B3GALT1: variants seen among roughly 807,000 people sequenced by gnomAD.
B3GALT1 encodes beta-1,3-galactosyltransferase 1, also known as UDP-Gal:betaGlcNAc beta 1,3-galactosyltransferase, polypeptide 1.
In B3GALT1, 10 loss-of-function variants were observed where a neutral mutation model predicts 23.2. That is an observed-to-expected ratio of 0.43 (90% CI 0.27 to 0.73). The LOEUF is 0.73. Ranked by LOEUF, B3GALT1 falls within the 30% of genes least tolerant of loss-of-function variation. B3GALT1 has a pLI of 0.21. For missense variants in B3GALT1, 299 were observed against 405.4 expected (o/e 0.74, Z 2.25); for synonymous variants, 156 against 141.5 (o/e 1.10, Z -0.73).
intron 2 of B3GALT1, among the ~76,000 whole-genome samples, chr2:167,641,389 T>G (rs1685650397): frequency 6.6e-6 from 1 of 152,126 alleles, no homozygotes; most frequent in East Asian, 1.9e-4. Flanking sequence ...CTAAATCCAG[T>G]AGTCAGACTT....
rs955093429 is a variant in B3GALT1, at chr2:167,782,787, C to A, written c.-351-35885C>A. 6.6e-5 allele frequency among the ~76,000 whole-genome samples: 10 copies of A among 152,142 alleles called. 1 individual carries two copies. In the South Asian group the frequency reaches 2.1e-3, roughly 31 times the overall value. Reference sequence around the variant, plus strand: ...TAAAAACCTTAAATTGTTTACAAAACCTTCCTAAATATGTACAGTTATATT... The same window carrying A: ...TAAAAACCTTAAATTGTTTACAAAAACTTCCTAAATATGTACAGTTATATT... On this transcript the variant is annotated intron_variant, in intron 3 of 4. Transcript: ENST00000392690.
At chr2:167,307,651 T>C (rs893043837) in intron 1 of B3GALT1, among the ~76,000 whole-genome samples, 4 of 151,958 alleles carry the variant, frequency 2.6e-5, no homozygotes, top group African/African-American at 9.7e-5. Context: ...CAGAAAATAT[T>C]AATAGATGGA....
At chr2:167,643,181 C>T (rs1470782111) in intron 2 of B3GALT1, among the ~76,000 whole-genome samples, 2 of 152,112 alleles carry the variant, frequency 1.3e-5, no homozygotes, top group East Asian at 1.9e-4. Flanking sequence ...AAAGATAAAA[C>T]GTATACATTA....
chr2:167,456,938 C>A (rs967327358), intron 1 of B3GALT1, among the ~76,000 whole-genome samples: 10 of 152,168 alleles, frequency 6.6e-5, no homozygotes, highest in African/African-American at 2.4e-4. Flanking sequence ...ACTCCACCCC[C>A]TCCTTCGCTC....
chr2:167,821,930 G>A (rs1574281466), intron 4 of B3GALT1, among the ~76,000 whole-genome samples: 1 of 152,260 alleles, frequency 6.6e-6, no homozygotes. Flanking sequence ...AAGTTGGGAA[G>A]GGGAAAGGAA....
intron 2 of B3GALT1, among the ~76,000 whole-genome samples, chr2:167,610,760 G>T (rs1364298625): frequency 6.6e-6 from 1 of 151,712 alleles, no homozygotes; most frequent in Non-Finnish European, 1.5e-5. Context: ...GTCTAGTAGT[G>T]GGACCAAAAA....
chr2:167,869,170 C>T lies in B3GALT1; in HGVS notation c.131C>T (p.Ala44Val), dbSNP rs117455823. 2.8e-4 allele frequency: 448 copies of T among 1,614,112 alleles called. 1 individual carries two copies. The East Asian group carries it at 9.3e-3, about 34-fold the overall frequency. The change falls in exon 5 of 5, where the codon GCC becomes GTC. Residue 44 changes from alanine to valine, a missense_variant. By Grantham distance (64) the Ala-to-Val change is moderately conservative. Transcript: ENST00000392690. The surrounding 1 kb of genome is among the most constrained non-coding windows in gnomAD (Gnocchi z 6.4). ...AAACCATTCAGCCACCTAACAGTTG[C>T]CAGGAAAAACTTCACCTTTGGCAAC... is the stretch of plus-strand genomic sequence containing the variant. ...GSKPFSHLTV[A>V]RKNFTFGNIR...
At chr2:167,750,754 A>C (rs1298583010) in intron 3 of B3GALT1, among the ~76,000 whole-genome samples, 1 of 149,238 alleles carries the variant, frequency 6.7e-6, no homozygotes, top group South Asian at 2.1e-4. Flanking sequence ...AAAAAAAAAA[A>C]CTAAGCCCCT....
chr2:167,584,590 A>G (rs1252940887), intron 2 of B3GALT1, among the ~76,000 whole-genome samples: 3 of 152,168 alleles, frequency 2.0e-5, no homozygotes, highest in African/African-American at 7.2e-5. Context: ...CTCAGTCCCC[A>G]AGACTGCCCA....
chr2:167,407,748 A>G lies in B3GALT1; in HGVS notation c.-510-82429A>G, dbSNP rs572267965. Among the ~76,000 whole-genome samples, 67 of 152,260 alleles carry G rather than the reference A, an allele frequency of 4.4e-4. 2 individuals are homozygous for G. The South Asian group carries it at 0.013, about 30-fold the overall frequency. The stretch of plus-strand genomic sequence containing the variant: ...TTGGAAACCTAGAAGTAATGCATAT[A>G]TTCCTGGACACATATCACTTACCAA... On this transcript the variant is annotated intron_variant, in intron 1 of 4. Coordinates refer to ENST00000392690, the MANE Select transcript of B3GALT1 (RefSeq NM_020981.4).
chr2:167,313,011 T>C (rs904547227), intron 1 of B3GALT1, among the ~76,000 whole-genome samples: 6 of 152,132 alleles, frequency 3.9e-5, no homozygotes, highest in African/African-American at 1.4e-4. Flanking sequence ...TTAGTAGTTT[T>C]ATTCTATTTA....
intron 4 of B3GALT1, among the ~76,000 whole-genome samples, chr2:167,846,123 A>C (rs1689755278): frequency 6.6e-6 from 1 of 152,146 alleles, no homozygotes; most frequent in Non-Finnish European, 1.5e-5. Context: ...ACCAAACCTA[A>C]GAATAATCCG....
At chr2:167,592,033 A>G (rs939540069) in intron 2 of B3GALT1, among the ~76,000 whole-genome samples, 3 of 152,142 alleles carry the variant, frequency 2.0e-5, no homozygotes, top group African/African-American at 7.2e-5. Context: ...AAAGAGAAGT[A>G]CTGATGATAG....
intron 3 of B3GALT1, among the ~76,000 whole-genome samples, chr2:167,697,697 T>A (rs531386669): frequency 1.3e-5 from 2 of 152,160 alleles, no homozygotes; most frequent in African/African-American, 4.8e-5. Context: ...CCAATGGAAG[T>A]AGGTACTGAT....
intron 4 of B3GALT1, among the ~76,000 whole-genome samples, chr2:167,840,542 A>G (rs35461469): frequency 0.026 from 3,889 of 147,142 alleles, 85 homozygotes; most frequent in Non-Finnish European, 0.04. Flanking sequence ...GCTGGAGAGG[A>G]TGTGGAGAAA....
At chr2:167,484,028 A>G (rs1295652104) in intron 1 of B3GALT1, among the ~76,000 whole-genome samples, 2 of 152,176 alleles carry the variant, frequency 1.3e-5, no homozygotes, top group Non-Finnish European at 1.5e-5. Flanking sequence ...TATGAGCCCT[A>G]TTGTCTTTAA....
intron 1 of B3GALT1, among the ~76,000 whole-genome samples, chr2:167,339,390 G>A (rs150823718): frequency 6.6e-6 from 1 of 151,706 alleles, no homozygotes; most frequent in East Asian, 1.9e-4. Flanking sequence ...ATGCATATGT[G>A]TGGAGAGTGT....
At chr2:167,593,401 C>T (rs1684718136) in intron 2 of B3GALT1, among the ~76,000 whole-genome samples, 1 of 152,128 alleles carries the variant, frequency 6.6e-6, no homozygotes, top group African/African-American at 2.4e-5. Context: ...CCTAACCGCA[C>T]ACAATAATTC....
At chr2:167,841,377 G>A (rs959368001) in intron 4 of B3GALT1, among the ~76,000 whole-genome samples, 3 of 152,098 alleles carry the variant, frequency 2.0e-5, no homozygotes, top group Admixed American at 6.6e-5. Flanking sequence ...TTTAATCATT[G>A]TGACCACCTC....
Sources: allele counts gnomAD v4.1 joint callset (sites outside exome capture counted in the v4.1 genomes callset), GRCh38; gene constraint gnomAD v4.1.1; non-coding constraint Gnocchi (gnomAD v3.1); transcripts MANE v1.5; gene names NCBI Gene and HGNC (gene_info 2026-07-23, HGNC 2026-07-21).